Variants in ZNF454 observed in about 807,000 individuals in gnomAD.
ZNF454 encodes zinc finger protein 454.
ZNF454 carries 30 observed loss-of-function variants against 48.2 expected under a neutral mutation model. That is an observed-to-expected ratio of 0.62 (90% CI 0.47 to 0.84). The LOEUF (loss-of-function observed/expected upper bound fraction) is 0.84. ZNF454 is among the 40% of genes least tolerant of loss of function. The probability of loss-of-function intolerance (pLI) is 0.00; values close to 1 mark genes in which losing one functional copy is unlikely to be tolerated. For missense variants in ZNF454, 510 were observed against 623.1 expected, an observed-to-expected ratio of 0.82 and a Z score of 1.93; for synonymous variants, 204 against 211.4, an observed-to-expected ratio of 0.97 and a Z score of 0.30.
chr5:178,962,893 A>C (rs1434431582), intron 4 of ZNF454, among the ~76,000 whole-genome samples: 4 of 151,888 alleles, frequency 2.6e-5, no homozygotes, highest in Admixed American at 1.3e-4. Flanking sequence ...GAGGTTGGTC[A>C]CAATATTTGT....
At chr5:178,947,523 G>A (rs540185952) in intron 4 of ZNF454, among the ~76,000 whole-genome samples, 15 of 152,332 alleles carry the variant, frequency 9.8e-5, no homozygotes, top group African/African-American at 3.4e-4. Flanking sequence ...ATGGAGCCCA[G>A]GTTATTGTAT....
At chr5:178,985,024 G>GA in the ZNF454 span, among the ~76,000 whole-genome samples, 8 of 152,104 alleles carry the variant, frequency 5.3e-5, no homozygotes, top group Non-Finnish European at 1.0e-4. Context: ...ACTGTCTTAG[G>GA]AAAATCCCCC....
intron 4 of ZNF454, among the ~76,000 whole-genome samples, chr5:178,953,919 G>A (rs1759647932): frequency 6.6e-6 from 1 of 152,136 alleles, no homozygotes; most frequent in Non-Finnish European, 1.5e-5. Context: ...TATCCACTGA[G>A]CATTGGTGAG....
the ZNF454 span, among the ~76,000 whole-genome samples, chr5:178,974,136 ATAGTT>A: frequency 6.6e-6 from 1 of 152,192 alleles, no homozygotes; most frequent in Non-Finnish European, 1.5e-5. Context: ...TCTTGGGAGT[ATAGTT>A]ATGCAGCTGG....
At chr5:178,966,879 C>T (rs764822101), downstream of ZNF454, among the ~76,000 whole-genome samples, 6 of 152,256 alleles carry the variant, frequency 3.9e-5, no homozygotes, top group African/African-American at 1.2e-4. Flanking sequence ...CCCTGTGAGA[C>T]GATTCATTTG....
chr5:178,972,223 C>T, the ZNF454 span, among the ~76,000 whole-genome samples: 5 of 152,026 alleles, frequency 3.3e-5, no homozygotes, highest in Admixed American at 6.5e-5. Context: ...TGTGAGCCAC[C>T]GCACCTGGCT....
At chr5:178,969,832 T>A (rs1760213762), downstream of ZNF454, 1 of 344,752 alleles carries the variant, frequency 2.9e-6, no homozygotes, top group Non-Finnish European at 5.8e-6. Context: ...TTCTATGGGC[T>A]TCTGGGAACA....
At chr5:178,989,249 C>T in the ZNF454 span, 1 of 1,577,012 alleles carries the variant, frequency 6.3e-7, no homozygotes, top group Admixed American at 1.7e-5. Flanking sequence ...CCCTCACCAC[C>T]CTGGGCAGCT....
intron 4 of ZNF454, among the ~76,000 whole-genome samples, chr5:178,952,922 AT>A (rs1388425409): frequency 2.0e-5 from 3 of 149,576 alleles, no homozygotes; most frequent in Non-Finnish European, 4.5e-5. Context: ...CCTTTTCTTT[AT>A]TTTAAGCATT....
At chr5:178,973,505 TC>T in the ZNF454 span, among the ~76,000 whole-genome samples, 15 of 152,042 alleles carry the variant, frequency 9.9e-5, no homozygotes, top group African/African-American at 3.6e-4. Context: ...TAGTGGCAAA[TC>T]TTTTATCCTC....
At chr5:178,973,754 A>C in the ZNF454 span, among the ~76,000 whole-genome samples, 1 of 151,466 alleles carries the variant, frequency 6.6e-6, no homozygotes, top group Non-Finnish European at 1.5e-5. Context: ...GAGGCAGGAG[A>C]ATGGCCTGAA....
chr5:178,942,798 G>A lies in ZNF454; in HGVS notation c.7G>A (p.Val3Ile). The A allele has an allele frequency of 6.2e-7, 1 of 1,613,984 alleles. No individual in the cohort carries two copies. The highest frequency in any genetic ancestry group is 8.5e-7 in the Non-Finnish European group (1 of 1,179,932). The part of the protein sequence containing the change: MA[V>I]SHLPTMVQES... ...GCTCATCGGAGAAGAAAGAATGGCT[G>A]TCAGCCACCTGCCAACCATGGTCCA... The change falls in exon 2 of 5, where the codon GTC (valine) becomes ATC (isoleucine). Residue 3 changes from valine to isoleucine, a missense_variant. Physicochemically the swap from Val to Ile is conservative, Grantham distance 29. This residue lies in a region of ZNF454 where 354 missense variants were observed against 408.9 expected (regional missense o/e 0.87). Coordinates refer to ENST00000519564, the MANE Select transcript of ZNF454 (RefSeq NM_001178089.3).
At chr5:178,977,326 C>T in the ZNF454 span, 2 of 438,718 alleles carry the variant, frequency 4.6e-6, no homozygotes, top group South Asian at 1.6e-5. Context: ...AAAGAGACCC[C>T]AGGGTGCCCT....
At chr5:178,977,433 T>C in the ZNF454 span, 1 of 456,376 alleles carries the variant, frequency 2.2e-6, no homozygotes, top group South Asian at 1.5e-5. Context: ...TCTTGGACTT[T>C]CCAGCCTCCA....
chr5:178,951,179 A>T (rs1247052123), intron 4 of ZNF454, among the ~76,000 whole-genome samples: 1 of 152,058 alleles, frequency 6.6e-6, no homozygotes. Context: ...TTTCTTATTT[A>T]TTGCTCTTAC....
intron 4 of ZNF454, among the ~76,000 whole-genome samples, chr5:178,964,270 A>G (rs1222444100): frequency 1.3e-5 from 2 of 151,570 alleles, no homozygotes; most frequent in East Asian, 2.0e-4. Flanking sequence ...ACAGGCTCCC[A>G]CCACCACGCC....
chr5:178,983,077 A>G, the ZNF454 span: 1 of 1,614,170 alleles, frequency 6.2e-7, no homozygotes, highest in Non-Finnish European at 8.5e-7. Context: ...AGGAGGCTGT[A>G]GCCCAGGCAG....
chr5:178,957,426 TG>T (rs111377608), intron 4 of ZNF454, among the ~76,000 whole-genome samples: 15 of 151,770 alleles, frequency 9.9e-5, no homozygotes, highest in African/African-American at 2.7e-4. Context: ...TTATTTTTTT[TG>T]GGGACGAAGT....
chr5:178,945,070 T>G (rs55666251), intron 2 of ZNF454, among the ~76,000 whole-genome samples: 27,722 of 124,678 alleles, frequency 0.22, 3,296 homozygotes, highest in Non-Finnish European at 0.27. Context: ...AGGGTGTGTG[T>G]GGGGGTATTT....
Sources: gnomAD v4.1 joint callset for allele counts (sites outside exome capture counted in the v4.1 genomes callset) on GRCh38, gnomAD v4.1.1 for gene constraint, gnomAD v4.1.1 regional missense constraint, MANE v1.5 for transcripts, NCBI Gene and HGNC (gene_info 2026-07-23, HGNC 2026-07-21) for gene names.